CBX3: variants seen among roughly 807,000 people sequenced by gnomAD.
CBX3 encodes chromobox 3.
In CBX3, 5 loss-of-function variants were observed where a neutral mutation model predicts 22.6. The observed-to-expected ratio is 0.22, with a 90% CI of 0.12 to 0.47. The LOEUF (loss-of-function observed/expected upper bound fraction) is 0.47. CBX3 is among the 20% of genes least tolerant of loss of function. The probability of loss-of-function intolerance (pLI) is 0.99; values close to 1 mark genes in which losing one functional copy is unlikely to be tolerated. For synonymous variants in CBX3, 50 were observed against 66.6 expected, an observed-to-expected ratio of 0.75 and a Z score of 1.21; for missense variants, 83 against 208.1, an observed-to-expected ratio of 0.40 and a Z score of 3.70.
In CBX3 at chr7:26,212,318, T is replaced by C. The variant is rs1490715797; in HGVS notation, c.*110T>C. ...ACTACATCCTAATGAAAATCAAGTT[T>C]GATATGTTTGTTTTGAAAGTAGCGT... On this transcript the variant is annotated 3_prime_UTR_variant, in exon 6 of 6. Transcript: ENST00000396386. The C allele has an allele frequency of 1.4e-6, 1 of 702,880 alleles. No individual in the cohort carries two copies. The highest frequency in any genetic ancestry group is 1.9e-6 in the Non-Finnish European group (1 of 526,318). 43.5% of individuals were successfully genotyped at this position (702,880 alleles called of 1,614,324 possible). A position where few individuals can be genotyped will look rare whatever the true frequency, so the allele number is the denominator to read the frequency against.
At chr7:26,208,238 G>A in intron 3 of CBX3, 155 bp from the exon 4 acceptor site, 1 of 509,524 alleles carries the variant, frequency 2.0e-6, no homozygotes, top group South Asian at 3.7e-5. Context: ...AGGCAGGCTG[G>A]GGGGTGGGGT....
At chr7:26,202,164 G>T (rs1234191915) in intron 1 of CBX3, 2 of 152,156 alleles carry the variant, frequency 1.3e-5, no homozygotes, top group East Asian at 3.9e-4. Context: ...GCGGGGCTGG[G>T]TCGAGACTTG....
intron 2 of CBX3, among the ~76,000 whole-genome samples, chr7:26,205,236 T>G (rs1448545878): frequency 6.6e-6 from 1 of 152,342 alleles, no homozygotes; most frequent in East Asian, 1.9e-4. Context: ...TAGGAAATCT[T>G]GAGCCATTGG....
intron 1 of CBX3, 199 bp from the exon 2 acceptor site, chr7:26,202,772 C>CT (rs1378898570): frequency 5.5e-6 from 3 of 542,702 alleles, no homozygotes; most frequent in Non-Finnish European, 9.7e-6. Flanking sequence ...CCAGTAAAGT[C>CT]TTTCTAGACT....
chr7:26,212,635 A>G lies in CBX3; in HGVS notation c.*427A>G, dbSNP rs1202350289. On this transcript the variant is annotated 3_prime_UTR_variant, in exon 6 of 6. Coordinates refer to ENST00000396386, the MANE Select transcript of CBX3 (RefSeq NM_016587.4). Reference sequence around the variant, plus strand: ...GTGTATCCATAAAATGCATATGTAAATTTTTTTTTGTTTTTAAGCATTCAC... The same window carrying G: ...GTGTATCCATAAAATGCATATGTAAGTTTTTTTTTGTTTTTAAGCATTCAC... 1 of 151,714 alleles carries G rather than the reference A, an allele frequency of 6.6e-6. No individual in the cohort carries two copies. Among genetic ancestry groups the G allele is most frequent in the Non-Finnish European group, 1.5e-5 (1 of 67,910 alleles). 9.4% of individuals were successfully genotyped at this position (151,714 alleles called of 1,614,324 possible). A position where few individuals can be genotyped will look rare whatever the true frequency, so the allele number is the denominator to read the frequency against.
intron 2 of CBX3, among the ~76,000 whole-genome samples, chr7:26,203,568 C>G (rs1197486928): frequency 6.6e-6 from 1 of 151,724 alleles, no homozygotes; most frequent in Non-Finnish European, 1.5e-5. Flanking sequence ...ACAAAATGAT[C>G]GAAATCGCAA....
chr7:26,212,066 C>A lies in CBX3; in HGVS notation c.426-16C>A. 7.2e-7 allele frequency: 1 copy of A among 1,386,836 alleles called. No homozygotes were observed. The highest frequency in any genetic ancestry group is 1.6e-5 in the African/African-American group (1 of 64,036). The allele number at this position is 1,386,836 out of a possible 1,614,324, so 85.9% of individuals were successfully genotyped here. A position where few individuals can be genotyped will look rare whatever the true frequency, so the allele number is the denominator to read the frequency against. The stretch of plus-strand genomic sequence containing the variant: ...AACTTCGACTTGTAACTGAATTTTT[C>A]TTTTTCTTAAAACAGGAAAGATTCA... On this transcript the variant is annotated splice_polypyrimidine_tract_variant and intron_variant, in intron 5 of 5. Transcript: ENST00000396386.
At chr7:26,208,265 A>T in intron 3 of CBX3, 128 bp from the exon 4 acceptor site, 1 of 637,038 alleles carries the variant, frequency 1.6e-6, no homozygotes, top group Non-Finnish European at 2.5e-6. Context: ...GGGAAGGAGG[A>T]AATGATTAGT....
chr7:26,206,621 T>TA, intron 3 of CBX3, 111 bp downstream of exon 3: 1 of 968,824 alleles, frequency 1.0e-6, no homozygotes, highest in Non-Finnish European at 1.6e-6. Flanking sequence ...TCTTTAAATG[T>TA]AAAGACACTT....
rs971562271 is a variant in CBX3 at position 26,213,032 on chromosome 7, A to G, written c.*824A>G. 1 of 152,298 alleles carries G rather than the reference A, an allele frequency of 6.6e-6. No individual in the cohort carries two copies. The highest frequency in any genetic ancestry group is 2.4e-5 in the African/African-American group (1 of 41,478). The allele number at this position is 152,298 out of a possible 1,614,324, so 9.4% of individuals were successfully genotyped here. ...AAAATGTTGGAATCCCTGTTGCTAC[A>G]TTGACTAAAAGGTCATGATGAATGG... On this transcript the variant is annotated 3_prime_UTR_variant, in exon 6 of 6. Coordinates refer to ENST00000396386, the MANE Select transcript of CBX3 (RefSeq NM_016587.4).
At chr7:26,208,137 C>T (rs1433209023) in intron 3 of CBX3, 3 of 259,390 alleles carry the variant, frequency 1.2e-5, no homozygotes, top group South Asian at 1.1e-4. Context: ...GGTGGAGGAT[C>T]GCTTGAGTCG....
At chr7:26,210,425 T>C (rs1039759241) in intron 4 of CBX3, 1 of 152,260 alleles carries the variant, frequency 6.6e-6, no homozygotes, top group Non-Finnish European at 1.5e-5. Context: ...ACTAAAATTC[T>C]GTTTTATTAA....
chr7:26,202,471 A>C (rs1374325973), intron 1 of CBX3: 1 of 152,486 alleles, frequency 6.6e-6, no homozygotes, highest in East Asian at 1.9e-4. Context: ...TTCTTTTTTC[A>C]AAGTGTCACG....
intron 2 of CBX3, among the ~76,000 whole-genome samples, chr7:26,203,659 T>C (rs1300846559): frequency 6.6e-6 from 1 of 152,192 alleles, no homozygotes; most frequent in Non-Finnish European, 1.5e-5. Flanking sequence ...TTTTAAACCC[T>C]GGAATATTCA....
chr7:26,202,572 G>C (rs1784554181), intron 1 of CBX3: 1 of 163,282 alleles, frequency 6.1e-6, no homozygotes, highest in African/African-American at 2.4e-5. Context: ...ACCAAGTTGG[G>C]ATTGCAGAAC....
intron 2 of CBX3, chr7:26,205,995 A>C (rs906827941): frequency 5.9e-6 from 1 of 168,928 alleles, no homozygotes; most frequent in Admixed American, 6.3e-5. Context: ...AGGCTGAGGC[A>C]TGAGAACTGC....
chr7:26,204,951 G>A (rs750146227), intron 2 of CBX3, among the ~76,000 whole-genome samples: 2 of 152,016 alleles, frequency 1.3e-5, no homozygotes, highest in Non-Finnish European at 1.5e-5. Flanking sequence ...CACTATGCCT[G>A]GCTAATTTTG....
In CBX3 at chr7:26,212,580, TTTTGTGTG is replaced by T. The variant is rs150882395; in HGVS notation, c.*374_*381del. The T allele has an allele frequency of 0.036, 4,988 of 137,056 alleles. 84 individuals are homozygous for T. The highest frequency in any genetic ancestry group is 0.14 in the African/African-American group (4,694 of 33,106). The allele number at this position is 137,056 out of a possible 1,614,324, so 8.5% of individuals were successfully genotyped here. A position where few individuals can be genotyped will look rare whatever the true frequency, so the allele number is the denominator to read the frequency against. ...GACCATTCTAGATTTATTACGTGTT[TTTTGTGTG>T]TGTGTGTGTGTGTGTGTGTGTGTGT... On this transcript the variant is annotated 3_prime_UTR_variant, in exon 6 of 6. Transcript: ENST00000396386.
intron 4 of CBX3, among the ~76,000 whole-genome samples, chr7:26,209,630 T>C (rs747488367): frequency 4.2e-4 from 64 of 152,342 alleles, no homozygotes; most frequent in Non-Finnish European, 6.6e-4. Context: ...TAAACACTTT[T>C]CTTGGCATGA....
Sources: allele counts gnomAD v4.1 joint callset (sites outside exome capture counted in the v4.1 genomes callset), GRCh38; gene constraint gnomAD v4.1.1; transcripts MANE v1.5; gene names NCBI Gene and HGNC (gene_info 2026-07-23, HGNC 2026-07-21).